Variants in PCDHGA7 observed in about 807,000 individuals in gnomAD.
PCDHGA7 encodes the protein protocadherin gamma subfamily A, 7.
PCDHGA7 carries 44 observed loss-of-function variants against 58.3 expected under a neutral mutation model. The observed-to-expected ratio is 0.75, with a 90% CI of 0.59 to 0.97. The LOEUF (loss-of-function observed/expected upper bound fraction) is 0.97. Ranked by LOEUF, PCDHGA7 falls within the 50% of genes least tolerant of loss-of-function variation. The pLI is 0.00. For missense variants in PCDHGA7, 1,266 were observed against 1,188.7 expected, an observed-to-expected ratio of 1.06 and a Z score of -0.96; for synonymous variants, 516 against 504.2, an observed-to-expected ratio of 1.02 and a Z score of -0.31.
At chr5:141,478,941 A>C (rs889484528) in intron 1 of PCDHGA7, 9 of 589,470 alleles carry the variant, frequency 1.5e-5, no homozygotes, top group Non-Finnish European at 2.0e-5. Context: ...TTCTAGGAAT[A>C]CAAAAACTAC....
In PCDHGA7 at chr5:141,511,032, G is replaced by A; in HGVS notation, c.2658G>A (p.Gln886=). 1.2e-6 allele frequency: 2 copies of A among 1,614,228 alleles called. No homozygotes were observed. The highest frequency in any genetic ancestry group is 2.2e-5 in the East Asian group (1 of 44,888). The change falls in exon 4 of 4, where the codon CAG becomes CAA. Residue 886 remains glutamine, a synonymous_variant. Transcript: ENST00000518325. Reference sequence around the variant, plus strand: ...GCTACGGACCCCAGTTCACCCTGCAGCACGTGCCCGACTACCGCCAGAATG... The same window carrying A: ...GCTACGGACCCCAGTTCACCCTGCAACACGTGCCCGACTACCGCCAGAATG... ...SARYGPQFTL[Q]HVPDYRQNVY...
intron 1 of PCDHGA7, chr5:141,422,052 C>T: frequency 6.2e-7 from 1 of 1,611,298 alleles, no homozygotes; most frequent in Non-Finnish European, 8.5e-7. Flanking sequence ...AGGGAATCAA[C>T]GGGGAAGTAA....
intron 1 of PCDHGA7, among the ~76,000 whole-genome samples, chr5:141,494,512 C>T (rs2154591503): frequency 6.6e-6 from 1 of 152,276 alleles, no homozygotes; most frequent in Middle Eastern, 3.4e-3. Context: ...AATTTTGGCT[C>T]AGGAGTTCTG....
intron 1 of PCDHGA7, among the ~76,000 whole-genome samples, chr5:141,479,996 G>A (rs759188600): frequency 7.2e-5 from 11 of 152,244 alleles, no homozygotes; most frequent in Middle Eastern, 3.2e-3. Context: ...CTAGGAGTCT[G>A]TGGCCAAGTT....
intron 1 of PCDHGA7, among the ~76,000 whole-genome samples, chr5:141,436,389 TTAAA>T (rs1385837876): frequency 6.6e-6 from 1 of 152,212 alleles, no homozygotes; most frequent in Non-Finnish European, 1.5e-5. Context: ...ATAGGCTTTA[TTAAA>T]TAGTTGTTGA....
At chr5:141,497,465 G>A (rs189158903) in intron 2 of PCDHGA7, among the ~76,000 whole-genome samples, 1 of 152,024 alleles carries the variant, frequency 6.6e-6, no homozygotes, top group East Asian at 1.9e-4. Flanking sequence ...TTGGAGATAT[G>A]GAGGAGAAGG....
chr5:141,394,528 C>A (rs1465272752), intron 1 of PCDHGA7: 1 of 1,614,214 alleles, frequency 6.2e-7, no homozygotes, highest in Non-Finnish European at 8.5e-7. Flanking sequence ...ACAGACGGTT[C>A]CACTGGCGTG....
chr5:141,409,096 A>C, intron 1 of PCDHGA7: 1 of 1,614,074 alleles, frequency 6.2e-7, no homozygotes, highest in African/African-American at 1.3e-5. Context: ...ATGAGAAAAC[A>C]GGTATGATTA....
At chr5:141,391,107 T>C (rs1225302584) in intron 1 of PCDHGA7, 1 of 152,098 alleles carries the variant, frequency 6.6e-6, no homozygotes, top group African/African-American at 2.4e-5. Context: ...CCTAAACTAA[T>C]ATAGCTAGAG....
chr5:141,473,476 A>G (rs1300050332), intron 1 of PCDHGA7, among the ~76,000 whole-genome samples: 15 of 151,558 alleles, frequency 9.9e-5, no homozygotes, highest in Admixed American at 9.2e-4. Context: ...GCCAAGTTCA[A>G]TGGAAAAAAT....
chr5:141,415,744 T>TTTTTG, intron 1 of PCDHGA7: 1 of 404,416 alleles, frequency 2.5e-6, no homozygotes, highest in Non-Finnish European at 3.0e-6. Context: ...ATTAAGGTTT[T>TTTTTG]TTTTTTTTTT....
chr5:141,439,716 C>T (rs2098127719), intron 1 of PCDHGA7: 1 of 152,476 alleles, frequency 6.6e-6, no homozygotes, highest in Non-Finnish European at 1.5e-5. Flanking sequence ...CCTAGTTCTA[C>T]AAATTATAAG....
chr5:141,482,981 A>C (rs1377809325), intron 1 of PCDHGA7, among the ~76,000 whole-genome samples: 1 of 150,250 alleles, frequency 6.7e-6, no homozygotes, highest in Non-Finnish European at 1.5e-5. Context: ...GCTACTTGAG[A>C]GGTCGAGGCA....
Position 141,383,087 on chromosome 5 carries a change from G to A in PCDHGA7, c.188G>A (p.Gly63Glu). 1.2e-6 allele frequency: 2 copies of A among 1,613,912 alleles called. No homozygotes were observed. Among genetic ancestry groups the A allele is most frequent in the Non-Finnish European group, 1.7e-6 (2 of 1,179,900 alleles). The stretch of plus-strand genomic sequence containing the variant: ...GAGCCCCGGGAGCTGGCGGAGCGCG[G>A]AGTCCGCATCATCTCCAGAGGTAGG... ...GLEPRELAER[G>E]VRIISRGRTQ... Residue 63 changes from glycine to glutamate, a missense_variant, in exon 1 of 4, where the codon GGA becomes GAA. Physicochemically the swap from Gly to Glu is moderately conservative, Grantham distance 98. Transcript: ENST00000518325.
chr5:141,398,787 A>C, intron 1 of PCDHGA7: 1 of 1,613,902 alleles, frequency 6.2e-7, no homozygotes, highest in South Asian at 1.1e-5. Context: ...GTGGACATCC[A>C]CCCCTAAGCG....
At chr5:141,405,489 G>A (rs1008095215) in intron 1 of PCDHGA7, 51 of 894,082 alleles carry the variant, frequency 5.7e-5, no homozygotes, top group Non-Finnish European at 7.7e-5. Context: ...GTGTGATCTC[G>A]GCTCATTGCA....
At chr5:141,435,010 G>A (rs2097736933) in intron 1 of PCDHGA7, among the ~76,000 whole-genome samples, 1 of 151,950 alleles carries the variant, frequency 6.6e-6, no homozygotes, top group Non-Finnish European at 1.5e-5. Flanking sequence ...ATTTATCAAT[G>A]ATAATGCTCT....
In PCDHGA7 at chr5:141,408,993, T is replaced by G. The variant is rs1258002192; in HGVS notation, c.2424+23670T>G. The G allele has an allele frequency of 1.2e-6, 2 of 1,613,814 alleles. No homozygotes were observed. The highest frequency in any genetic ancestry group is 2.7e-5 in the African/African-American group (2 of 74,912). On this transcript the variant is annotated intron_variant, in intron 1 of 3. Transcript: ENST00000518325. Reference sequence around the variant, plus strand: ...CCCCCTGGGTCCCCTGTGTTGCAAGTGACAGCCACTGACCAGGATGAGGGG... The same window carrying G: ...CCCCCTGGGTCCCCTGTGTTGCAAGGGACAGCCACTGACCAGGATGAGGGG...
Position 141,485,089 on chromosome 5 carries a change from G to A in PCDHGA7, c.2425-9718G>A. The stretch of plus-strand genomic sequence containing the variant: ...GAGCTGGCGCGGGGAAAGGGAGATA[G>A]GTGTCTCCAGCTGCTGTGGCTGTTT... On this transcript the variant is annotated intron_variant, in intron 1 of 3. Coordinates refer to ENST00000518325, the MANE Select transcript of PCDHGA7 (RefSeq NM_018920.4). This position sits in a 1 kb window ranked among gnomAD's most constrained non-coding sequence, Gnocchi z 5.7. 1 of 1,027,236 alleles carries A rather than the reference G, an allele frequency of 9.7e-7. No homozygotes were observed. The highest frequency in any genetic ancestry group is 1.5e-6 in the Non-Finnish European group (1 of 674,564). 63.6% of individuals were successfully genotyped at this position (1,027,236 alleles called of 1,614,324 possible). A position where few individuals can be genotyped will look rare whatever the true frequency, so the allele number is the denominator to read the frequency against.
Sources: gnomAD v4.1 joint callset for allele counts (sites outside exome capture counted in the v4.1 genomes callset) on GRCh38, gnomAD v4.1.1 for gene constraint, Gnocchi (gnomAD v3.1) non-coding constraint, MANE v1.5 for transcripts, NCBI Gene and HGNC (gene_info 2026-07-23, HGNC 2026-07-21) for gene names.